Variants in SRGAP3 observed in about 807,000 individuals in gnomAD.
The protein encoded by SRGAP3 is SLIT-ROBO Rho GTPase activating protein 3.
In SRGAP3, 39 loss-of-function variants were observed where a neutral mutation model predicts 121.1. That is an observed-to-expected ratio of 0.32 (90% CI 0.25 to 0.42). The LOEUF (loss-of-function observed/expected upper bound fraction) is 0.42. Ranked by LOEUF, SRGAP3 falls within the 10% of genes least tolerant of loss-of-function variation. SRGAP3 has a pLI of 1.00. For synonymous variants in SRGAP3, 601 were observed against 570.0 expected (o/e 1.05, Z -0.77); for missense variants, 1,213 against 1,470.6 (o/e 0.82, Z 2.86).
At chr3:9,247,537 G>A (rs1362123424) in intron 1 of SRGAP3, among the ~76,000 whole-genome samples, 4 of 152,182 alleles carry the variant, frequency 2.6e-5, no homozygotes, top group Admixed American at 6.5e-5. Flanking sequence ...CATCTGAAGC[G>A]TGTATGGCAG....
intron 3 of SRGAP3, among the ~76,000 whole-genome samples, chr3:9,082,629 T>C (rs1178495172): frequency 6.6e-6 from 1 of 152,200 alleles, no homozygotes; most frequent in Admixed American, 6.5e-5. Context: ...GTATCGAAAA[T>C]GGGAGCCGTG....
chr3:9,040,748 G>A (rs953502018), intron 10 of SRGAP3, among the ~76,000 whole-genome samples: 1 of 152,002 alleles, frequency 6.6e-6, no homozygotes, highest in Non-Finnish European at 1.5e-5. Context: ...TAGTAGAGAT[G>A]AGGTCTTACT....
intron 3 of SRGAP3, among the ~76,000 whole-genome samples, chr3:9,255,178 AG>A (rs1954105285): frequency 6.6e-6 from 1 of 152,230 alleles, no homozygotes; most frequent in Non-Finnish European, 1.5e-5. Context: ...AACTACTAAA[AG>A]AAAAGAAAGT....
intron 1 of SRGAP3, among the ~76,000 whole-genome samples, chr3:9,135,916 T>C (rs1259149070): frequency 6.6e-6 from 1 of 151,962 alleles, no homozygotes; most frequent in Admixed American, 6.5e-5. Context: ...CCCCCTGGGG[T>C]TGTTAAAAGG....
At chr3:9,245,385 C>T (rs114564807) in intron 1 of SRGAP3, among the ~76,000 whole-genome samples, 68 of 152,298 alleles carry the variant, frequency 4.5e-4, no homozygotes, top group African/African-American at 1.6e-3. Flanking sequence ...CTGCCAAGCA[C>T]CCAATGACAC....
chr3:9,248,627 C>T (rs1012863502), intron 1 of SRGAP3, among the ~76,000 whole-genome samples: 2 of 152,174 alleles, frequency 1.3e-5, no homozygotes, highest in Non-Finnish European at 2.9e-5. Context: ...TAAAGTCAGG[C>T]ATAGGATCCT....
chr3:9,010,410 G>A, intron 17 of SRGAP3, 23 bp from the exon 18 acceptor site: 1 of 1,613,632 alleles, frequency 6.2e-7, no homozygotes, highest in Non-Finnish European at 8.5e-7. Flanking sequence ...ACGGGAATGG[G>A]ACTCACTGCG....
At chr3:9,090,983 A>G (rs902545665) in intron 3 of SRGAP3, among the ~76,000 whole-genome samples, 2 of 152,118 alleles carry the variant, frequency 1.3e-5, no homozygotes, top group African/African-American at 4.8e-5. Flanking sequence ...CCCTCAAAAT[A>G]ACTCAAAGAC....
intron 3 of SRGAP3, among the ~76,000 whole-genome samples, chr3:9,088,138 C>T (rs906648048): frequency 7.2e-5 from 11 of 152,182 alleles, no homozygotes; most frequent in African/African-American, 2.7e-4. Context: ...ACACCATACC[C>T]AGCCCTTAGG....
intron 1 of SRGAP3, among the ~76,000 whole-genome samples, chr3:9,333,846 A>G (rs2728946): frequency 0.047 from 7,129 of 152,154 alleles, 358 homozygotes; most frequent in East Asian, 0.31. Flanking sequence ...CAAATCAACA[A>G]TTACTGAGAG....
rs753308410 is a variant in SRGAP3, at chr3:9,010,294, T to C, written c.2227+14A>G. ...CAGGAAGAATCCCTTGTCCCCAGGA[T>C]CCCCCTCACTCACCTTCATCGCTGG... On this transcript the variant is annotated intron_variant, in intron 18 of 21. Coordinates refer to ENST00000383836, the MANE Select transcript of SRGAP3 (RefSeq NM_014850.4). 1.9e-6 allele frequency: 3 copies of C among 1,613,964 alleles called. No homozygotes were observed. The Admixed American group carries it at 5.0e-5, about 27-fold the overall frequency.
intron 1 of SRGAP3, among the ~76,000 whole-genome samples, chr3:9,205,909 G>A (rs910324178): frequency 5.9e-5 from 9 of 152,288 alleles, no homozygotes; most frequent in Admixed American, 2.0e-4. Flanking sequence ...CTACTCATAC[G>A]GGGTACCTAG....
At chr3:9,107,569 C>T (rs573341996) in intron 2 of SRGAP3, among the ~76,000 whole-genome samples, 2 of 152,314 alleles carry the variant, frequency 1.3e-5, no homozygotes, top group East Asian at 1.9e-4. Context: ...GAGAACACCC[C>T]GTTGACCACA....
intron 1 of SRGAP3, among the ~76,000 whole-genome samples, chr3:9,128,879 C>T (rs1462755358): frequency 6.6e-6 from 1 of 151,990 alleles, no homozygotes; most frequent in African/African-American, 2.4e-5. Flanking sequence ...TGATAGAGGT[C>T]GGAAAAGTGG....
intron 4 of SRGAP3, among the ~76,000 whole-genome samples, chr3:9,075,316 G>A (rs138932181): frequency 1.1e-3 from 161 of 152,322 alleles, no homozygotes; most frequent in African/African-American, 3.6e-3. Flanking sequence ...ATACAAGCAC[G>A]TGAATGTGCA....
intron 1 of SRGAP3, among the ~76,000 whole-genome samples, chr3:9,128,488 GA>G (rs1328096536): frequency 6.6e-6 from 1 of 152,202 alleles, no homozygotes; most frequent in Non-Finnish European, 1.5e-5. Context: ...AGAAGGTAAA[GA>G]AAGGAGCAGT....
intron 1 of SRGAP3, among the ~76,000 whole-genome samples, chr3:9,141,504 A>G (rs1398511211): frequency 6.6e-6 from 1 of 151,358 alleles, no homozygotes; most frequent in Non-Finnish European, 1.5e-5. Flanking sequence ...ATTCTTGCCA[A>G]TTGATTTTTG....
intron 3 of SRGAP3, among the ~76,000 whole-genome samples, chr3:9,084,181 G>A (rs1220275251): frequency 6.6e-6 from 1 of 152,086 alleles, no homozygotes; most frequent in Non-Finnish European, 1.5e-5. Flanking sequence ...CAGGCAAGCT[G>A]GCCTCCCCCA....
chr3:9,120,446 C>G (rs968056728), intron 2 of SRGAP3, among the ~76,000 whole-genome samples: 1 of 152,332 alleles, frequency 6.6e-6, no homozygotes, highest in East Asian at 1.9e-4. Context: ...AGAAATCGCA[C>G]CTCATTTATC....
Sources: allele counts gnomAD v4.1 joint callset (sites outside exome capture counted in the v4.1 genomes callset), GRCh38; gene constraint gnomAD v4.1.1; transcripts MANE v1.5; gene names NCBI Gene and HGNC (gene_info 2026-07-23, HGNC 2026-07-21).